MAGI1: variants seen among roughly 807,000 people sequenced by gnomAD.
MAGI1 encodes the protein membrane-associated guanylate kinase, WW and PDZ domain-containing protein 1.
A neutral mutation model predicts 139.9 loss-of-function variants in MAGI1; 58 were observed. That is an observed-to-expected ratio of 0.41 (90% confidence interval 0.34 to 0.52). MAGI1 has a LOEUF of 0.52. Ranked by LOEUF, MAGI1 falls within the 20% of genes least tolerant of loss-of-function variation. The pLI is 0.12. For missense variants in MAGI1, 1,874 were observed against 1,901.6 expected (o/e 0.99, Z 0.27); for synonymous variants, 812 against 737.9 (o/e 1.10, Z -1.63).
At chr3:65,596,863 T>C (rs2082230836) in intron 2 of MAGI1, among the ~76,000 whole-genome samples, 1 of 152,214 alleles carries the variant, frequency 6.6e-6, no homozygotes, top group Non-Finnish European at 1.5e-5. Flanking sequence ...CTTACCTAGA[T>C]AACACAGTGC....
chr3:65,868,763 A>C (rs1328050492), intron 1 of MAGI1, among the ~76,000 whole-genome samples: 4 of 152,212 alleles, frequency 2.6e-5, no homozygotes, highest in Non-Finnish European at 5.9e-5. Context: ...AAGACTTGTT[A>C]AATGAGTTCT....
intron 2 of MAGI1, among the ~76,000 whole-genome samples, chr3:65,579,834 C>T (rs186142742): frequency 1.3e-4 from 16 of 127,602 alleles, no homozygotes; most frequent in African/African-American, 2.7e-4. Flanking sequence ...GGAACAAGAG[C>T]GAAACTCCAT....
At chr3:65,729,120 CGGGGGGGGG>C (rs34982531) in intron 1 of MAGI1, among the ~76,000 whole-genome samples, 1 of 60,882 alleles carries the variant, frequency 1.6e-5, no homozygotes, top group East Asian at 4.2e-3. Flanking sequence ...AAAAATGGAA[CGGGGGGGGG>C]GGGGGGGATG....
At chr3:65,817,150 T>C (rs1043051359) in intron 1 of MAGI1, among the ~76,000 whole-genome samples, 1 of 152,222 alleles carries the variant, frequency 6.6e-6, no homozygotes, top group Non-Finnish European at 1.5e-5. Flanking sequence ...CATTCCTTAA[T>C]TTGAACTACA....
At chr3:65,610,742 G>GTATATACTATATAC (rs11276480) in intron 2 of MAGI1, among the ~76,000 whole-genome samples, 9 of 121,318 alleles carry the variant, frequency 7.4e-5, no homozygotes, top group Non-Finnish European at 1.4e-4. Flanking sequence ...ATAGTATATA[G>GTATATACTATATAC]TATATATACA....
chr3:65,568,630 G>A (rs542728462), intron 2 of MAGI1, among the ~76,000 whole-genome samples: 7 of 152,304 alleles, frequency 4.6e-5, no homozygotes, highest in Middle Eastern at 3.4e-3. Flanking sequence ...CCTGTTTAGC[G>A]CCTGCTCTGG....
intron 1 of MAGI1, among the ~76,000 whole-genome samples, chr3:65,929,843 G>GA (rs2062710155): frequency 6.6e-6 from 1 of 152,132 alleles, no homozygotes; most frequent in Non-Finnish European, 1.5e-5. Flanking sequence ...AAGGCCTGTG[G>GA]AATGGAGAGT....
intron 1 of MAGI1, among the ~76,000 whole-genome samples, chr3:65,838,237 AG>A (rs2058692717): frequency 6.6e-6 from 1 of 152,130 alleles, no homozygotes; most frequent in South Asian, 2.1e-4. Context: ...ACTTGCACCA[AG>A]GAGATGGAGG....
rs186269385 is a variant in MAGI1 at position 65,899,558 on chromosome 3, A to G, written c.313+138438T>C. 3.6e-4 allele frequency among the ~76,000 whole-genome samples: 55 copies of G among 152,332 alleles called. 1 individual carries two copies. The highest frequency in any genetic ancestry group is 3.5e-3 in the Admixed American group (54 of 15,308). ...CAAAACACTACCATCCTTTTGTGAC[A>G]TAACTGGGATAAAAATCCCTACAGA... On this transcript the variant is annotated intron_variant, in intron 1 of 22. Transcript: ENST00000402939.
chr3:65,461,650 G>T (rs1352623825), intron 5 of MAGI1, among the ~76,000 whole-genome samples: 4 of 151,344 alleles, frequency 2.6e-5, no homozygotes, highest in African/African-American at 9.7e-5. Flanking sequence ...CACCACGCCT[G>T]GCTAATTTTC....
At chr3:65,424,948 T>G (rs1387863661) in intron 12 of MAGI1, among the ~76,000 whole-genome samples, 1 of 151,848 alleles carries the variant, frequency 6.6e-6, no homozygotes, top group Non-Finnish European at 1.5e-5. Flanking sequence ...AGATGGCACA[T>G]GCCTGTAGTC....
chr3:65,566,350 G>A (rs2080641619), intron 2 of MAGI1, among the ~76,000 whole-genome samples: 1 of 152,066 alleles, frequency 6.6e-6, no homozygotes, highest in African/African-American at 2.4e-5. Context: ...TACTCAGAAA[G>A]GCATGAAGGC....
chr3:65,763,971 C>G (rs2037257571), intron 1 of MAGI1, among the ~76,000 whole-genome samples: 1 of 150,512 alleles, frequency 6.6e-6, no homozygotes, highest in Admixed American at 6.7e-5. Flanking sequence ...ACTGGGGAGG[C>G]TGAGGTGAGA....
At chr3:66,026,147 T>C (rs1249730291) in intron 1 of MAGI1, among the ~76,000 whole-genome samples, 2 of 152,066 alleles carry the variant, frequency 1.3e-5, no homozygotes, top group Non-Finnish European at 2.9e-5. Context: ...CCCTATCAGA[T>C]GTAAATTCTA....
intron 1 of MAGI1, among the ~76,000 whole-genome samples, chr3:65,693,849 A>C (rs915951713): frequency 6.6e-6 from 1 of 151,978 alleles, no homozygotes; most frequent in East Asian, 1.9e-4. Flanking sequence ...TCAGCCCCCG[A>C]GCAGCTGGGA....
chr3:65,786,500 G>T (rs944657407), intron 1 of MAGI1, among the ~76,000 whole-genome samples: 8 of 151,416 alleles, frequency 5.3e-5, no homozygotes, highest in African/African-American at 1.9e-4. Flanking sequence ...TAGAGACAGG[G>T]TTTCCCCATG....
intron 1 of MAGI1, among the ~76,000 whole-genome samples, chr3:65,906,818 G>A (rs555684590): frequency 4.0e-4 from 61 of 151,710 alleles, no homozygotes; most frequent in African/African-American, 1.5e-3. Context: ...CCCAGGAGGT[G>A]GAGGTTGCAG....
intron 1 of MAGI1, among the ~76,000 whole-genome samples, chr3:65,775,574 C>CA (rs1368329708): frequency 8.4e-6 from 1 of 119,752 alleles, no homozygotes; most frequent in East Asian, 2.7e-4. Context: ...GATATGCAGA[C>CA]AAAAAATGTG....
intron 2 of MAGI1, among the ~76,000 whole-genome samples, chr3:65,511,771 C>G (rs1490809520): frequency 6.8e-6 from 1 of 147,110 alleles, no homozygotes; most frequent in Non-Finnish European, 1.5e-5. Context: ...ACAAGGATAC[C>G]CAGGAATTGA....
Sources: gnomAD v4.1 joint callset for allele counts (sites outside exome capture counted in the v4.1 genomes callset) on GRCh38, gnomAD v4.1.1 for gene constraint, MANE v1.5 for transcripts, NCBI Gene and HGNC (gene_info 2026-07-23, HGNC 2026-07-21) for gene names.